The following KSR2 variants were observed in gnomAD, a reference collection of about 807,000 sequenced individuals.
KSR2 encodes the protein kinase suppressor of ras 2.
Under a neutral mutation model 107.8 loss-of-function variants are expected in KSR2, and 25 were observed. The ratio of observed to expected loss-of-function variants is 0.23; its 90% CI spans 0.17 to 0.32. The LOEUF is 0.32. Among genes scored for constraint, KSR2 ranks in the 10% least tolerant of loss-of-function variants. KSR2 has a pLI of 1.00. For synonymous variants in KSR2, 480 were observed against 507.0 expected (o/e 0.95, Z 0.71); for missense variants, 887 against 1,268.9 (o/e 0.70, Z 4.57).
At chr12:117,564,642 T>A (rs1040632308) in intron 7 of KSR2, among the ~76,000 whole-genome samples, 3 of 152,224 alleles carry the variant, frequency 2.0e-5, no homozygotes, top group Admixed American at 6.5e-5. Context: ...ATCATCTCTG[T>A]CTGAATATTA....
chr12:117,648,397 A>T (rs112186077), intron 5 of KSR2, among the ~76,000 whole-genome samples: 1 of 152,136 alleles, frequency 6.6e-6, no homozygotes, highest in African/African-American at 2.4e-5. Context: ...GATGACCCCT[A>T]ACGTCCTCAA....
chr12:117,526,366 C>CAG (rs1377715289), intron 13 of KSR2, among the ~76,000 whole-genome samples: 1 of 152,162 alleles, frequency 6.6e-6, no homozygotes, highest in Non-Finnish European at 1.5e-5. Flanking sequence ...CGGGGATTCC[C>CAG]AGAGACCCTG....
chr12:117,612,625 G>C (rs573265313), intron 5 of KSR2, among the ~76,000 whole-genome samples: 3 of 152,096 alleles, frequency 2.0e-5, no homozygotes, highest in African/African-American at 7.2e-5. Flanking sequence ...AATTTAACTT[G>C]TTCTGAGATA....
intron 4 of KSR2, among the ~76,000 whole-genome samples, chr12:117,736,767 T>A (rs1289455342): frequency 2.0e-5 from 3 of 150,176 alleles, no homozygotes; most frequent in African/African-American, 7.4e-5. Context: ...GAGCCAAGAT[T>A]GTGCCACTGC....
intron 1 of KSR2, among the ~76,000 whole-genome samples, chr12:117,943,320 G>GC (rs2137541387): frequency 6.6e-6 from 1 of 151,878 alleles, no homozygotes; most frequent in Non-Finnish European, 1.5e-5. Flanking sequence ...AACCTGAATA[G>GC]CCCCACTCAA....
At chr12:117,615,256 C>T (rs911887431) in intron 5 of KSR2, among the ~76,000 whole-genome samples, 4 of 136,932 alleles carry the variant, frequency 2.9e-5, no homozygotes, top group Non-Finnish European at 4.7e-5. Flanking sequence ...CACACACACA[C>T]ATCAGATTCC....
intron 9 of KSR2, among the ~76,000 whole-genome samples, chr12:117,541,727 G>C (rs1285690394): frequency 6.6e-6 from 1 of 152,136 alleles, no homozygotes; most frequent in East Asian, 1.9e-4. Context: ...GGAGGTCAAG[G>C]GCAGAGGGGA....
rs1296727387 is a variant in KSR2, at chr12:117,457,909, C to A, written c.*9290G>T. On this transcript the variant is annotated 3_prime_UTR_variant, in exon 20 of 20. Transcript: ENST00000339824. ...CTTAAATGTCACCTCCTCAGAAAGA[C>A]CTTTGTCAGCAGCTCTCCCACAGTA... The A allele has an allele frequency of 1.3e-5, 2 of 152,188 alleles. No individual in the cohort carries two copies. Among genetic ancestry groups the A allele is most frequent in the Non-Finnish European group, 2.9e-5 (2 of 68,048 alleles). The allele number at this position is 152,188 out of a possible 1,614,324, so 9.4% of individuals were successfully genotyped here. A position where few individuals can be genotyped will look rare whatever the true frequency, so the allele number is the denominator to read the frequency against.
chr12:117,583,687 C>T (rs1461004448), intron 5 of KSR2, among the ~76,000 whole-genome samples: 2 of 152,146 alleles, frequency 1.3e-5, no homozygotes, highest in African/African-American at 2.4e-5. Context: ...GTCCCACCTC[C>T]GCCCTACTGC....
chr12:117,797,813 G>C (rs958059030), intron 3 of KSR2, among the ~76,000 whole-genome samples: 1 of 150,720 alleles, frequency 6.6e-6, no homozygotes, highest in African/African-American at 2.4e-5. Flanking sequence ...GCACAATCAT[G>C]CCTGGCTAAT....
At position 117,480,022 on chromosome 12, in the gene KSR2, ATGTGTATGTGTGTG is replaced by A. The variant is rs1449458187; in HGVS notation, c.2451-3441_2451-3428del. On this transcript the variant is annotated intron_variant, in intron 16 of 19. Coordinates refer to ENST00000339824, the MANE Select transcript of KSR2 (RefSeq NM_173598.6). ...CAATTACTGGACATAATCATTACAC[ATGTGTATGTGTGTG>A]TGTGTGTGTGTGTGTGTGTGTGTGT... is the stretch of plus-strand genomic sequence containing the variant. Among the ~76,000 whole-genome samples, 21 of 142,192 alleles carry A rather than the reference ATGTGTATGTGTGTG, an allele frequency of 1.5e-4. 2 individuals are homozygous for A. The East Asian group carries it at 2.0e-3, about 14-fold the overall frequency. The allele number at this position is 142,192 out of a possible 152,430, so 93.3% of individuals were successfully genotyped here. A position where few individuals can be genotyped will look rare whatever the true frequency, so the allele number is the denominator to read the frequency against.
intron 5 of KSR2, among the ~76,000 whole-genome samples, chr12:117,652,321 A>G (rs1883939042): frequency 6.6e-6 from 1 of 151,406 alleles, no homozygotes; most frequent in South Asian, 2.1e-4. Context: ...AAATAAAAAT[A>G]ATAATAATTT....
At chr12:117,860,547 C>G in intron 1 of KSR2, 116 bp from the exon 2 acceptor site, 1 of 996,018 alleles carries the variant, frequency 1.0e-6, no homozygotes, top group South Asian at 1.7e-5. Flanking sequence ...ATTTTAAAGA[C>G]TGGTTCCGCT....
chr12:117,467,720 A>T, intron 19 of KSR2: 1 of 396,652 alleles, frequency 2.5e-6, no homozygotes, highest in Middle Eastern at 3.6e-4. Flanking sequence ...CTATGAGCAG[A>T]CTTTGATGTC....
intron 3 of KSR2, among the ~76,000 whole-genome samples, chr12:117,768,524 C>A (rs909268087): frequency 2.6e-5 from 4 of 152,196 alleles, no homozygotes; most frequent in African/African-American, 7.2e-5. Context: ...TGCGGCTCAA[C>A]AGGGCTCCTG....
intron 14 of KSR2, among the ~76,000 whole-genome samples, chr12:117,509,589 G>C (rs1873906804): frequency 6.6e-6 from 1 of 152,222 alleles, no homozygotes; most frequent in Non-Finnish European, 1.5e-5. Context: ...TTGTTGCTCA[G>C]AGAGAGATCA....
At chr12:117,885,004 G>T (rs1157379732) in intron 1 of KSR2, among the ~76,000 whole-genome samples, 1 of 152,120 alleles carries the variant, frequency 6.6e-6, no homozygotes, top group African/African-American at 2.4e-5. Flanking sequence ...GGATGCTCCT[G>T]CCCAGAGGAG....
intron 3 of KSR2, among the ~76,000 whole-genome samples, chr12:117,784,320 G>T (rs1054697484): frequency 2.0e-5 from 3 of 152,132 alleles, no homozygotes; most frequent in East Asian, 3.9e-4. Flanking sequence ...TTATAAATGG[G>T]AGTTCCCCTG....
chr12:117,627,606 T>C (rs1010142381), intron 5 of KSR2, among the ~76,000 whole-genome samples: 2 of 152,166 alleles, frequency 1.3e-5, no homozygotes, highest in Non-Finnish European at 2.9e-5. Flanking sequence ...GTGGGTAACC[T>C]GACCTTTCTC....
Sources: allele counts gnomAD v4.1 joint callset (sites outside exome capture counted in the v4.1 genomes callset), GRCh38; gene constraint gnomAD v4.1.1; transcripts MANE v1.5; gene names NCBI Gene and HGNC (gene_info 2026-07-23, HGNC 2026-07-21).